BANK1: variants seen among roughly 807,000 people sequenced by gnomAD.
BANK1 encodes B-cell scaffold protein with ankyrin repeats.
A neutral mutation model predicts 94.5 loss-of-function variants in BANK1; 95 were observed. The ratio of observed to expected loss-of-function variants is 1.00; its 90% CI spans 0.85 to 1.19. The LOEUF is 1.19. BANK1 is among the 50% of genes most tolerant of loss of function. BANK1 has a pLI of 0.00. For synonymous variants in BANK1, 334 were observed against 308.4 expected (o/e 1.08, Z -0.87); for missense variants, 987 against 932.2 (o/e 1.06, Z -0.77).
chr4:101,999,476 G>A (rs925945996), intron 7 of BANK1, among the ~76,000 whole-genome samples: 2 of 152,094 alleles, frequency 1.3e-5, no homozygotes, highest in Non-Finnish European at 2.9e-5. Context: ...AAACTCCCTG[G>A]ATGTATATCT....
intron 5 of BANK1, among the ~76,000 whole-genome samples, chr4:101,884,016 TAAAG>T (rs1728764699): frequency 6.6e-6 from 1 of 152,138 alleles, no homozygotes; most frequent in Non-Finnish European, 1.5e-5. Flanking sequence ...AATAATAAGA[TAAAG>T]AAATAAAGTA....
chr4:101,930,876 C>A (rs542273005), intron 7 of BANK1, among the ~76,000 whole-genome samples: 7 of 151,648 alleles, frequency 4.6e-5, no homozygotes, highest in Admixed American at 1.3e-4. Flanking sequence ...TGTCCCACTG[C>A]AAATCTGACA....
At chr4:101,924,723 A>G (rs551728301) in intron 7 of BANK1, among the ~76,000 whole-genome samples, 1 of 151,946 alleles carries the variant, frequency 6.6e-6, no homozygotes, top group East Asian at 2.0e-4. Flanking sequence ...CAAAAGATAA[A>G]TTAGCCCTAA....
intron 13 of BANK1, among the ~76,000 whole-genome samples, chr4:102,065,836 A>G (rs1275969258): frequency 6.6e-6 from 1 of 152,166 alleles, no homozygotes. Flanking sequence ...TTAGTAAACA[A>G]AATTAAGACA....
Position 101,915,228 on chromosome 4 carries a change from T to C in BANK1, c.1010-2765T>C, listed in dbSNP as rs574191040. 2.0e-5 allele frequency among the ~76,000 whole-genome samples: 3 copies of C among 152,240 alleles called. No individual in the cohort carries two copies. The South Asian group carries it at 6.2e-4, about 32-fold the overall frequency. On this transcript the variant is annotated intron_variant, in intron 6 of 16. Transcript: ENST00000322953. The stretch of plus-strand genomic sequence containing the variant: ...CAATTGAATATTGAGAAAAATAAGA[T>C]GCATAAGTTCAAGTAGCTTGTGCAA...
intron 6 of BANK1, among the ~76,000 whole-genome samples, chr4:101,913,364 G>A (rs1184101037): frequency 6.6e-6 from 1 of 152,036 alleles, no homozygotes; most frequent in African/African-American, 2.4e-5. Context: ...AACATTGTCT[G>A]GGTTTTCTAG....
At chr4:102,065,253 A>G (rs758763322) in intron 13 of BANK1, among the ~76,000 whole-genome samples, 64 of 152,284 alleles carry the variant, frequency 4.2e-4, no homozygotes, top group Non-Finnish European at 8.5e-4. Flanking sequence ...TACTCTAGAC[A>G]TGCCCTAACA....
chr4:101,984,888 A>G (rs761190894), intron 7 of BANK1, among the ~76,000 whole-genome samples: 22 of 152,084 alleles, frequency 1.4e-4, no homozygotes, highest in Admixed American at 4.6e-4. Flanking sequence ...AGTGACAACT[A>G]CTAGGAAAAG....
chr4:102,024,216 A>AT (rs1485608296), intron 8 of BANK1, among the ~76,000 whole-genome samples: 2 of 152,096 alleles, frequency 1.3e-5, no homozygotes, highest in Non-Finnish European at 2.9e-5. Flanking sequence ...GCTGTTTGGG[A>AT]TTTTAAGCTA....
intron 7 of BANK1, among the ~76,000 whole-genome samples, chr4:102,016,701 A>G (rs989306344): frequency 1.3e-5 from 2 of 152,124 alleles, no homozygotes; most frequent in Non-Finnish European, 2.9e-5. Flanking sequence ...TTTGTGATTT[A>G]CTTAAAACCT....
chr4:101,918,613 G>A (rs1448759632), intron 7 of BANK1, among the ~76,000 whole-genome samples: 9 of 151,862 alleles, frequency 5.9e-5, no homozygotes, highest in Non-Finnish European at 1.3e-4. Flanking sequence ...GTTTAGAAAA[G>A]CAATTGTTTT....
At position 101,812,808 on chromosome 4, in the gene BANK1, A is replaced by G. The variant is rs76446334; in HGVS notation, c.71-17000A>G. ...CCAATGCTTCATTATTTCAGTTCAG[A>G]AAAGAGTTTGGTATTCAATCTTGTA... On this transcript the variant is annotated intron_variant, in intron 1 of 16. Transcript: ENST00000322953. Among the ~76,000 whole-genome samples, 818 of 152,190 alleles carry G rather than the reference A, an allele frequency of 5.4e-3. 13 individuals carry two copies. In the East Asian group the frequency reaches 0.065, roughly 12 times the overall value.
chr4:101,806,521 G>T (rs527266304), intron 1 of BANK1, among the ~76,000 whole-genome samples: 1 of 152,240 alleles, frequency 6.6e-6, no homozygotes, highest in East Asian at 1.9e-4. Context: ...CCTTGGCTCT[G>T]TCACTAACAG....
intron 11 of BANK1, among the ~76,000 whole-genome samples, chr4:102,051,548 T>A (rs1238389309): frequency 6.6e-6 from 1 of 152,158 alleles, no homozygotes; most frequent in Non-Finnish European, 1.5e-5. Flanking sequence ...TAATTCTAAT[T>A]AATTCTAAGG....
chr4:101,882,321 T>C (rs758087377), intron 5 of BANK1, among the ~76,000 whole-genome samples: 4 of 152,184 alleles, frequency 2.6e-5, no homozygotes, highest in Non-Finnish European at 5.9e-5. Flanking sequence ...ATTGAATAAA[T>C]GATCTGATGC....
intron 6 of BANK1, among the ~76,000 whole-genome samples, chr4:101,907,187 A>G (rs1226060263): frequency 1.3e-5 from 2 of 152,228 alleles, no homozygotes; most frequent in Non-Finnish European, 2.9e-5. Flanking sequence ...GAATGCCTTT[A>G]TCAAAAAGCT....
At chr4:102,038,597 GT>G (rs1727600388) in intron 10 of BANK1, among the ~76,000 whole-genome samples, 1 of 152,128 alleles carries the variant, frequency 6.6e-6, no homozygotes. Context: ...TCACCCAGTG[GT>G]GACTGGAGGT....
chr4:101,835,138 C>G (rs902298397), intron 2 of BANK1, among the ~76,000 whole-genome samples: 1 of 151,998 alleles, frequency 6.6e-6, no homozygotes, highest in Non-Finnish European at 1.5e-5. Flanking sequence ...GGTGTTTTAC[C>G]TAACTTGCTT....
At chr4:101,954,573 CATGACAAG>C (rs1475416219) in intron 7 of BANK1, among the ~76,000 whole-genome samples, 1 of 151,932 alleles carries the variant, frequency 6.6e-6, no homozygotes, top group Non-Finnish European at 1.5e-5. Flanking sequence ...AGGGAAGAGA[CATGACAAG>C]CACTTGGAGG....
Sources: gnomAD v4.1 joint callset for allele counts (sites outside exome capture counted in the v4.1 genomes callset) on GRCh38, gnomAD v4.1.1 for gene constraint, MANE v1.5 for transcripts, NCBI Gene and HGNC (gene_info 2026-07-23, HGNC 2026-07-21) for gene names.